The following CRMP1 variants were observed in gnomAD, a reference collection of about 807,000 sequenced individuals.
CRMP1 encodes the protein collapsin response mediator protein 1.
A neutral mutation model predicts 68.3 loss-of-function variants in CRMP1; 19 were observed. The ratio of observed to expected loss-of-function variants is 0.28; its 90% confidence interval spans 0.19 to 0.41. The LOEUF (loss-of-function observed/expected upper bound fraction) is 0.41. CRMP1 is among the 10% of genes least tolerant of loss of function. The probability of loss-of-function intolerance (pLI) is 1.00; values close to 1 mark genes in which losing one functional copy is unlikely to be tolerated. For synonymous variants in CRMP1, 439 were observed against 399.6 expected (o/e 1.10, Z -1.18); for missense variants, 791 against 967.4 (o/e 0.82, Z 2.42).
chr4:5,863,100 T>G (rs1418590212), intron 2 of CRMP1, among the ~76,000 whole-genome samples: 2 of 137,966 alleles, frequency 1.4e-5, no homozygotes, highest in Non-Finnish European at 3.2e-5. Flanking sequence ...ATGCCTGACC[T>G]TTTTTCTTTT....
chr4:5,868,304 C>CTATAT (rs1714186861), intron 1 of CRMP1, among the ~76,000 whole-genome samples: 1 of 70,054 alleles, frequency 1.4e-5, no homozygotes, highest in African/African-American at 4.9e-5. Context: ...TATATATATA[C>CTATAT]ATAATTTTTT....
At position 5,888,440 on chromosome 4, in the gene CRMP1, CCCGCCCGCCGCCGCTCCGGCTGCCAGCA is replaced by C; in HGVS notation, c.381+4121_381+4148del. 2.5e-6 allele frequency: 3 copies of C among 1,215,334 alleles called. No individual in the cohort carries two copies. Among genetic ancestry groups the C allele is most frequent in the Non-Finnish European group, 3.1e-6 (3 of 977,688 alleles). The allele number at this position is 1,215,334 out of a possible 1,614,324, so 75.3% of individuals were successfully genotyped here. On this transcript the variant is annotated intron_variant, in intron 1 of 13. Transcript: ENST00000324989. This position sits in a 1 kb window ranked among gnomAD's most constrained non-coding sequence, Gnocchi z 6.4. ...ACGCGCGGCTGCCCCGGCTGCTCGG[CCCGCCCGCCGCCGCTCCGGCTGCCAGCA>C]CCGCCCGGATCGGCGAGGAGGGCGG...
At chr4:5,822,771 C>G (rs1330589758) in intron 13 of CRMP1, among the ~76,000 whole-genome samples, 1 of 152,206 alleles carries the variant, frequency 6.6e-6, no homozygotes, top group Non-Finnish European at 1.5e-5. Context: ...TGCCTTTCTT[C>G]ATGGTCTACA....
At chr4:5,869,952 C>G (rs1714327229) in intron 1 of CRMP1, among the ~76,000 whole-genome samples, 1 of 152,146 alleles carries the variant, frequency 6.6e-6, no homozygotes, top group Non-Finnish European at 1.5e-5. Context: ...TCAGTGGTCC[C>G]CTGGACCAGG....
intron 2 of CRMP1, among the ~76,000 whole-genome samples, chr4:5,864,191 A>G (rs1713810636): frequency 6.6e-6 from 1 of 152,188 alleles, no homozygotes; most frequent in Admixed American, 6.5e-5. Flanking sequence ...GGAGCTCTAT[A>G]AGGGGGCCTG....
At chr4:5,849,247 T>C (rs900970575) in intron 6 of CRMP1, 145 bp downstream of exon 6, 1 of 646,082 alleles carries the variant, frequency 1.5e-6, no homozygotes, top group Non-Finnish European at 2.7e-6. Context: ...TTTTCATTCA[T>C]ATCTGATGTG....
At position 5,855,136 on chromosome 4, in the gene CRMP1, A is replaced by C. The variant is rs531703065; in HGVS notation, c.820+1007T>G. Among the ~76,000 whole-genome samples the C allele has an allele frequency of 1.3e-5, 2 of 152,360 alleles. No homozygotes were observed. Among genetic ancestry groups the C allele is most frequent in the South Asian group, 2.1e-4 (1 of 4,830 alleles). ...CATAACAGCTATTGCACAACCACAT[A>C]GGGGAAAAATCATCCAAATACACAG... On this transcript the variant is annotated intron_variant, in intron 4 of 13. Transcript: ENST00000324989. This position sits in a 1 kb window ranked among gnomAD's most constrained non-coding sequence, Gnocchi z 4.9.
intron 11 of CRMP1, 85 bp downstream of exon 11, chr4:5,835,830 T>C (rs1720690862): frequency 2.3e-6 from 3 of 1,330,286 alleles, no homozygotes; most frequent in Admixed American, 2.9e-5. Context: ...AGTTGGAAAA[T>C]TCATAAATCA....
rs925347245 is a variant in CRMP1, at chr4:5,824,779, T to C, written c.1969+715A>G. 3.8e-5 allele frequency: 37 copies of C among 982,724 alleles called. No individual in the cohort carries two copies. In the African/African-American group the frequency reaches 5.8e-4, roughly 15 times the overall value. The allele number at this position is 982,724 out of a possible 1,614,324, so 60.9% of individuals were successfully genotyped here. On this transcript the variant is annotated intron_variant, in intron 13 of 13. Transcript: ENST00000324989. ...AGTACCCAGCACGGTGTGCAACCCA[T>C]GCAACGCCTCAAAGAGTTTGCAGGA...
rs1402430910 is a variant in CRMP1 at position 5,861,516 on chromosome 4, A to T, written c.471-306T>A. Among the ~76,000 whole-genome samples, 1 of 152,196 alleles carries T rather than the reference A, an allele frequency of 6.6e-6. No homozygotes were observed. Among genetic ancestry groups the T allele is most frequent in the Non-Finnish European group, 1.5e-5 (1 of 68,026 alleles). ...CAGGTGGAGGGGGTGGCAGAGCTGA[A>T]TCCAACAGAAGTGAGCCCAGCATGA... On this transcript the variant is annotated intron_variant, in intron 2 of 13. Coordinates refer to ENST00000324989, the MANE Select transcript of CRMP1 (RefSeq NM_001014809.3). This position sits in a 1 kb window ranked among gnomAD's most constrained non-coding sequence, Gnocchi z 6.0.
chr4:5,892,705 T>C lies in CRMP1; in HGVS notation c.265A>G (p.Ser89Gly). The change falls in exon 1 of 14, where the codon AGC becomes GGC. Residue 89 changes from serine (S) to glycine (G), a missense_variant. Physicochemically the swap from Ser to Gly is moderately conservative, Grantham distance 56 (BLOSUM62 0). Around this residue, in one of 3 missense-constraint regions of CRMP1, gnomAD observed 193 missense variants for 186.3 expected, o/e 1.04. Coordinates refer to ENST00000324989, the MANE Select transcript of CRMP1 (RefSeq NM_001014809.3). The surrounding 1 kb of genome is among the most constrained non-coding windows in gnomAD (Gnocchi z 8.6). Reference protein sequence around the residue: ...GGSEDTASDVSEPSGSAVSSP... With the variant: ...GGSEDTASDVGEPSGSAVSSP... ...CTGACCGCGGAGCCCGAGGGCTCGC[T>C]CACGTCGCTGGCCGTGTCCTCGCTG... The C allele has an allele frequency of 8.1e-7, 1 of 1,227,132 alleles. No individual in the cohort carries two copies. The allele number at this position is 1,227,132 out of a possible 1,614,324, so 76.0% of individuals were successfully genotyped here.
intron 11 of CRMP1, among the ~76,000 whole-genome samples, chr4:5,832,687 G>C (rs1231669753): frequency 6.6e-6 from 1 of 152,136 alleles, no homozygotes; most frequent in African/African-American, 2.4e-5. Context: ...CTGTCCTCTT[G>C]CTGCTATGAA....
chr4:5,841,611 G>A lies in CRMP1; in HGVS notation c.1033-183C>T, dbSNP rs552708585. ...CTCCGGGGTGGAGCATTGGTCTCAC[G>A]CTGGGATACGGCAGCAACATCCAAG... On this transcript the variant is annotated intron_variant, in intron 7 of 13. Coordinates refer to ENST00000324989, the MANE Select transcript of CRMP1 (RefSeq NM_001014809.3). This position sits in a 1 kb window ranked among gnomAD's most constrained non-coding sequence, Gnocchi z 6.9. Among the ~76,000 whole-genome samples, 3 of 152,318 alleles carry A rather than the reference G, an allele frequency of 2.0e-5. No individual in the cohort carries two copies. The highest frequency in any genetic ancestry group is 1.9e-4 in the East Asian group (1 of 5,176).
chr4:5,841,372 A>AG lies in CRMP1; in HGVS notation c.1088dup (p.Val364CysfsTer128). On this transcript the variant is annotated frameshift_variant, in exon 8 of 14. Coordinates refer to ENST00000324989, the MANE Select transcript of CRMP1 (RefSeq NM_001014809.3). LOFTEE classifies it high-confidence loss of function. The surrounding 1 kb of genome is among the most constrained non-coding windows in gnomAD (Gnocchi z 6.9). ...TGCTCATGACCTTGGTGATGTACAC[A>AG]GGGCAGTTGATCCGGCCCGCAATGG... 6.2e-7 allele frequency: 1 copy of AG among 1,614,134 alleles called. No homozygotes were observed. The highest frequency in any genetic ancestry group is 8.5e-7 in the Non-Finnish European group (1 of 1,180,026).
At chr4:5,851,768 AGAG>A (rs111453718) in intron 4 of CRMP1, among the ~76,000 whole-genome samples, 7,795 of 149,580 alleles carry the variant, frequency 0.052, 245 homozygotes, top group African/African-American at 0.08. Flanking sequence ...AGGAGGATGA[AGAG>A]GAGGAGAAAG....
At chr4:5,878,870 T>C (rs1715032903) in intron 1 of CRMP1, among the ~76,000 whole-genome samples, 1 of 152,100 alleles carries the variant, frequency 6.6e-6, no homozygotes, top group Non-Finnish European at 1.5e-5. Flanking sequence ...ATTTTCAGCT[T>C]ATCTCTCATC....
At chr4:5,851,557 T>C in intron 4 of CRMP1, 88 bp from the exon 5 acceptor site, 1 of 1,330,038 alleles carries the variant, frequency 7.5e-7, no homozygotes, top group Non-Finnish European at 1.1e-6. Flanking sequence ...CAGAGCAGAG[T>C]GGTAGTCGCC....
intron 11 of CRMP1, among the ~76,000 whole-genome samples, chr4:5,831,628 C>G (rs558325627): frequency 2.0e-5 from 3 of 152,262 alleles, no homozygotes; most frequent in African/African-American, 7.2e-5. Flanking sequence ...CTGGCCAGCC[C>G]TTGGGGACCT....
At chr4:5,864,215 G>A (rs938427653) in intron 2 of CRMP1, among the ~76,000 whole-genome samples, 4 of 152,108 alleles carry the variant, frequency 2.6e-5, no homozygotes, top group African/African-American at 4.8e-5. Context: ...CAGGAAGGAC[G>A]GGGGTGGGTG....
Sources: allele counts gnomAD v4.1 joint callset (sites outside exome capture counted in the v4.1 genomes callset), GRCh38; gene constraint gnomAD v4.1.1; regional missense constraint gnomAD v4.1.1; non-coding constraint Gnocchi (gnomAD v3.1); transcripts MANE v1.5; gene names NCBI Gene and HGNC (gene_info 2026-07-23, HGNC 2026-07-21).